The following PRADC1 variants were observed in gnomAD, a reference collection of about 807,000 sequenced individuals.
The protein encoded by PRADC1 is protease-associated domain-containing protein 1.
In PRADC1, 23 loss-of-function variants were observed where a neutral mutation model predicts 22.9. The observed-to-expected ratio is 1.00, with a 90% confidence interval of 0.72 to 1.42. PRADC1 has a LOEUF of 1.42. PRADC1 is among the 40% of genes most tolerant of loss of function. The pLI is 0.00. For synonymous variants in PRADC1, 71 were observed against 100.3 expected (o/e 0.71, Z 1.75); for missense variants, 207 against 258.3 (o/e 0.80, Z 1.36).
Position 73,228,546 on chromosome 2 carries a change from G to A in PRADC1, c.475C>T (p.His159Tyr). The change falls in exon 5 of 5, where the codon CAT (histidine) becomes TAT (tyrosine). Residue 159 changes from histidine (H) to tyrosine (Y), a missense_variant. Coordinates refer to ENST00000258083, the MANE Select transcript of PRADC1 (RefSeq NM_032319.3). This position sits in a 1 kb window ranked among gnomAD's most constrained non-coding sequence, Gnocchi z 4.0. The stretch of plus-strand genomic sequence containing the variant: ...GAAATGATGGCCCATGGCAGCCCAT[G>A]CTGTTCCAGAGAGCGGCGGATCATG... ...GYMIRRSLEQ[H>Y]GLPWAIISIP... 1 of 1,614,194 alleles carries A rather than the reference G, an allele frequency of 6.2e-7. No individual in the cohort carries two copies. Among genetic ancestry groups the A allele is most frequent in the Non-Finnish European group, 8.5e-7 (1 of 1,180,038 alleles).
At position 73,228,416 on chromosome 2, in the gene PRADC1, T is replaced by C; in HGVS notation, c.*38A>G. ...AATTCCTGGGTTTCCCCTTCCCAGC[T>C]CAGAGTCACTTATGGCTGGAATGTG... On this transcript the variant is annotated 3_prime_UTR_variant, in exon 5 of 5. Transcript: ENST00000258083. The surrounding 1 kb of genome is among the most constrained non-coding windows in gnomAD (Gnocchi z 4.0). The C allele has an allele frequency of 6.2e-7, 1 of 1,612,294 alleles. No individual in the cohort carries two copies. Among genetic ancestry groups the C allele is most frequent in the Non-Finnish European group, 8.5e-7 (1 of 1,179,560 alleles).
Position 73,229,581 on chromosome 2 carries a change from T to A in PRADC1, c.169-11A>T, listed in dbSNP as rs764790500. On this transcript the variant is annotated splice_polypyrimidine_tract_variant and intron_variant, in intron 2 of 4. Transcript: ENST00000258083. ...CTCATACCTTGTGTGCTGAAAAACA[T>A]TTAACATTTGGACAGGTGAGAGTGT... The A allele has an allele frequency of 1.6e-5, 25 of 1,608,690 alleles. No individual in the cohort carries two copies. Among genetic ancestry groups the A allele is most frequent in the Non-Finnish European group, 2.1e-5 (25 of 1,175,056 alleles).
At chr2:73,229,427 C>T in intron 3 of PRADC1, 34 bp downstream of exon 3, 1 of 1,402,048 alleles carries the variant, frequency 7.1e-7, no homozygotes, top group Non-Finnish European at 1.0e-6. Flanking sequence ...CGTATGCCTG[C>T]CCACTCCTCG....
chr2:73,232,668 A>G (rs1251762770), intron 1 of PRADC1, among the ~76,000 whole-genome samples: 1 of 152,248 alleles, frequency 6.6e-6, no homozygotes, highest in Non-Finnish European at 1.5e-5. Context: ...ACTTATGTGC[A>G]TAGATGTATA....
chr2:73,232,347 AAAAG>A (rs1310870193), intron 1 of PRADC1, among the ~76,000 whole-genome samples: 1 of 152,058 alleles, frequency 6.6e-6, no homozygotes, highest in Non-Finnish European at 1.5e-5. Context: ...AAAAAAAAAA[AAAAG>A]AAAAAAAGAA....
chr2:73,232,589 C>T (rs935344866), intron 1 of PRADC1, among the ~76,000 whole-genome samples: 3 of 152,180 alleles, frequency 2.0e-5, no homozygotes, highest in Non-Finnish European at 4.4e-5. Flanking sequence ...AACTCACTCC[C>T]TCCTCCCCAA....
chr2:73,231,568 C>G (rs904720176), intron 1 of PRADC1, among the ~76,000 whole-genome samples: 1 of 152,170 alleles, frequency 6.6e-6, no homozygotes, highest in African/African-American at 2.4e-5. Context: ...AGGCGTGCGC[C>G]ACCATGCCTG....
intron 1 of PRADC1, among the ~76,000 whole-genome samples, chr2:73,230,915 G>A (rs1686624044): frequency 6.6e-6 from 1 of 152,106 alleles, no homozygotes; most frequent in Non-Finnish European, 1.5e-5. Context: ...TGTTCCCTGA[G>A]CCTGGAAGGC....
At chr2:73,229,686 T>A in intron 2 of PRADC1, 116 bp from the exon 3 acceptor site, 1 of 795,706 alleles carries the variant, frequency 1.3e-6, no homozygotes, top group Non-Finnish European at 2.1e-6. Context: ...AAACATGGAG[T>A]GGTTTCTGTA....
chr2:73,230,304 T>C, intron 1 of PRADC1, 91 bp from the exon 2 acceptor site: 1 of 953,080 alleles, frequency 1.0e-6, no homozygotes, highest in East Asian at 2.6e-5. Context: ...CTGGGCTGGC[T>C]ATAGTCTGGG....
chr2:73,229,059 ATC>A, intron 3 of PRADC1, 97 bp from the exon 4 acceptor site: 3 of 1,066,440 alleles, frequency 2.8e-6, no homozygotes, highest in Non-Finnish European at 4.1e-6. Context: ...ACTATGAAGA[ATC>A]TGTTATAAAG....
intron 3 of PRADC1, 57 bp downstream of exon 3, chr2:73,229,404 T>C (rs1231961633): frequency 2.6e-6 from 3 of 1,136,358 alleles, no homozygotes; most frequent in African/African-American, 2.0e-5. Flanking sequence ...CTACCAATAA[T>C]CTCAGAATCT....
rs1313001264 is a variant in PRADC1 at position 73,228,950 on chromosome 2, G to T, written c.291C>A (p.Phe97Leu). ...CCTGGACCACCCGAGTCTTGGAGAG[G>T]AAGGAGCAGCCCCTGGAAGAGGTGG... ...IALVERGGCS[F>L]LSKTRVVQEH... is the part of the protein sequence containing the mutation. The change falls in exon 4 of 5, where the codon TTC becomes TTA. Residue 97 changes from phenylalanine to leucine, a missense_variant. Physicochemically the swap from Phe to Leu is conservative, Grantham distance 22 (BLOSUM62 0). Transcript: ENST00000258083. This position sits in a 1 kb window ranked among gnomAD's most constrained non-coding sequence, Gnocchi z 4.0. 3 of 1,613,928 alleles carry T rather than the reference G, an allele frequency of 1.9e-6. No individual in the cohort carries two copies. Among genetic ancestry groups the T allele is most frequent in the Admixed American group, 1.7e-5 (1 of 60,000 alleles).
At position 73,233,104 on chromosome 2, in the gene PRADC1, G is replaced by A; in HGVS notation, c.57C>T (p.Val19=). 1 of 1,542,818 alleles carries A rather than the reference G, an allele frequency of 6.5e-7. No individual in the cohort carries two copies. Among genetic ancestry groups the A allele is most frequent in the Non-Finnish European group, 8.7e-7 (1 of 1,153,824 alleles). ...CCLVLWLPAC[V]AAHGFRIHDY... ...CCCGTTGCCGCTCACCGTGGGCCGC[G>A]ACGCACGCGGGGAGCCAGAGCACGA... Residue 19 remains valine, a synonymous_variant, in exon 1 of 5, where the codon GTC becomes GTT. Coordinates refer to ENST00000258083, the MANE Select transcript of PRADC1 (RefSeq NM_032319.3).
chr2:73,231,666 G>A (rs1686641659), intron 1 of PRADC1, among the ~76,000 whole-genome samples: 1 of 150,658 alleles, frequency 6.6e-6, no homozygotes, highest in Non-Finnish European at 1.5e-5. Context: ...AATAGGAATG[G>A]GGTCTCGCCT....
chr2:73,233,087 C>G lies in PRADC1; in HGVS notation c.67+7G>C, dbSNP rs768274364. ...CCTGCAACGCAGTCCCACCCGTTGCCGCTCACCGTGGGCCGCGACGCACGC... is the reference window on the plus strand; with the variant it reads ...CCTGCAACGCAGTCCCACCCGTTGCGGCTCACCGTGGGCCGCGACGCACGC... On this transcript the variant is annotated splice_region_variant and intron_variant, in intron 1 of 4. Coordinates refer to ENST00000258083, the MANE Select transcript of PRADC1 (RefSeq NM_032319.3). 1.3e-6 allele frequency: 2 copies of G among 1,540,384 alleles called. No homozygotes were observed. The highest frequency in any genetic ancestry group is 3.8e-5 in the Admixed American group (2 of 52,902).
At position 73,232,111 on chromosome 2, in the gene PRADC1, A is replaced by G. The variant is rs943069700; in HGVS notation, c.67+983T>C. On this transcript the variant is annotated intron_variant, in intron 1 of 4. Coordinates refer to ENST00000258083, the MANE Select transcript of PRADC1 (RefSeq NM_032319.3). ...AGCACTTTGGGAGGCCGAGGCGGGC[A>G]GATCACGAGGTCAGGAGATCGAGAC... 3.9e-5 allele frequency among the ~76,000 whole-genome samples: 6 copies of G among 152,166 alleles called. No individual in the cohort carries two copies. In the East Asian group the frequency reaches 5.8e-4, roughly 15 times the overall value.
chr2:73,228,677 T>C lies in PRADC1; in HGVS notation c.447-103A>G. The C allele has an allele frequency of 6.3e-7, 1 of 1,594,798 alleles. No homozygotes were observed. Among genetic ancestry groups the C allele is most frequent in the South Asian group, 1.1e-5 (1 of 88,874 alleles). ...GAGTTCCAAAGCCCGAGATCTTTTT[T>C]TGCCCTCTAACTGAAGCACCCCAAG... On this transcript the variant is annotated intron_variant, in intron 4 of 4. Coordinates refer to ENST00000258083, the MANE Select transcript of PRADC1 (RefSeq NM_032319.3). The surrounding 1 kb of genome is among the most constrained non-coding windows in gnomAD (Gnocchi z 4.0).
rs759879748 is a variant in PRADC1, at chr2:73,228,250, G to C, written c.*204C>G. On this transcript the variant is annotated 3_prime_UTR_variant, in exon 5 of 5. Coordinates refer to ENST00000258083, the MANE Select transcript of PRADC1 (RefSeq NM_032319.3). The surrounding 1 kb of genome is among the most constrained non-coding windows in gnomAD (Gnocchi z 4.0). ...TGGGGCCTGTCTCTTGCCTCTTCTT[G>C]TAGCATGAGACACCCTTGGGGGCCC... 3 of 608,102 alleles carry C rather than the reference G, an allele frequency of 4.9e-6. No individual in the cohort carries two copies. In the East Asian group the frequency reaches 8.9e-5, roughly 18 times the overall value. The allele number at this position is 608,102 out of a possible 1,614,324, so 37.7% of individuals were successfully genotyped here. A position where few individuals can be genotyped will look rare whatever the true frequency, so the allele number is the denominator to read the frequency against.
Sources: gnomAD v4.1 joint callset for allele counts (sites outside exome capture counted in the v4.1 genomes callset) on GRCh38, gnomAD v4.1.1 for gene constraint, Gnocchi (gnomAD v3.1) non-coding constraint, MANE v1.5 for transcripts, NCBI Gene and HGNC (gene_info 2026-07-23, HGNC 2026-07-21) for gene names.